CLVS1: variants seen among roughly 807,000 people sequenced by gnomAD.
CLVS1 encodes clavesin 1.
Under a neutral mutation model 33.1 loss-of-function variants are expected in CLVS1, and 10 were observed. The ratio of observed to expected loss-of-function variants is 0.30; its 90% CI spans 0.19 to 0.51. CLVS1 has a LOEUF of 0.51. Ranked by LOEUF, CLVS1 falls within the 20% of genes least tolerant of loss-of-function variation. The pLI is 0.97. For missense variants in CLVS1, 343 were observed against 433.4 expected, an observed-to-expected ratio of 0.79 and a Z score of 1.85; for synonymous variants, 163 against 166.1, an observed-to-expected ratio of 0.98 and a Z score of 0.14.
At chr8:61,064,909 G>A (rs1296975935) in intron 1 of CLVS1, among the ~76,000 whole-genome samples, 1 of 152,200 alleles carries the variant, frequency 6.6e-6, no homozygotes, top group Non-Finnish European at 1.5e-5. Context: ...CACCAAGTTG[G>A]CCAGGCTGGT....
At chr8:61,267,985 G>A (rs767723317) in intron 2 of CLVS1, among the ~76,000 whole-genome samples, 2 of 152,012 alleles carry the variant, frequency 1.3e-5, no homozygotes, top group Non-Finnish European at 2.9e-5. Context: ...CATGGGCCCT[G>A]CTGGATACTC....
intron 5 of CLVS1, among the ~76,000 whole-genome samples, chr8:61,496,531 G>A (rs1804274080): frequency 6.6e-6 from 1 of 152,160 alleles, no homozygotes; most frequent in African/African-American, 2.4e-5. Flanking sequence ...AATGTGTTAG[G>A]GGGCTGGGGC....
intron 2 of CLVS1, among the ~76,000 whole-genome samples, chr8:61,157,732 C>T (rs890911359): frequency 1.3e-5 from 2 of 151,556 alleles, no homozygotes; most frequent in Admixed American, 6.6e-5. Context: ...AAAAAATGGG[C>T]AATGGACCTA....
the CLVS1 span, among the ~76,000 whole-genome samples, chr8:60,969,434 A>G: frequency 1.3e-5 from 2 of 152,184 alleles, no homozygotes; most frequent in Non-Finnish European, 2.9e-5. Flanking sequence ...CCAATTCGGT[A>G]TCTTACTGCC....
intron 2 of CLVS1, among the ~76,000 whole-genome samples, chr8:61,155,540 G>A (rs1269400835): frequency 7.0e-6 from 1 of 143,612 alleles, no homozygotes; most frequent in Non-Finnish European, 1.6e-5. Flanking sequence ...CTTATTTCAT[G>A]CCAGTAGGAA....
intron 5 of CLVS1, among the ~76,000 whole-genome samples, chr8:61,484,771 G>A (rs1338948337): frequency 6.6e-6 from 1 of 152,162 alleles, no homozygotes; most frequent in Non-Finnish European, 1.5e-5. Context: ...ACAGAACAGA[G>A]CCCTTGGAAA....
At chr8:60,998,812 A>G in the CLVS1 span, among the ~76,000 whole-genome samples, 1 of 152,182 alleles carries the variant, frequency 6.6e-6, no homozygotes, top group Admixed American at 6.5e-5. Context: ...CATCTCACCC[A>G]GTGTCAGCTG....
intron 2 of CLVS1, among the ~76,000 whole-genome samples, chr8:61,212,116 C>A (rs1807982852): frequency 6.6e-6 from 1 of 152,178 alleles, no homozygotes; most frequent in Non-Finnish European, 1.5e-5. Context: ...ACTGAGCTTG[C>A]AGTTTGTCGC....
chr8:61,422,152 G>A (rs1815703202), intron 3 of CLVS1, among the ~76,000 whole-genome samples: 2 of 151,524 alleles, frequency 1.3e-5, no homozygotes, highest in Admixed American at 6.6e-5. Flanking sequence ...CAAAAGTAGA[G>A]TGGATTACAT....
At chr8:61,071,626 G>A (rs974653386) in intron 1 of CLVS1, among the ~76,000 whole-genome samples, 2 of 152,206 alleles carry the variant, frequency 1.3e-5, no homozygotes, top group Admixed American at 6.5e-5. Context: ...CTGCAGATGA[G>A]CATATGGATA....
intron 2 of CLVS1, among the ~76,000 whole-genome samples, chr8:61,168,930 G>A (rs986007311): frequency 3.9e-5 from 6 of 152,138 alleles, no homozygotes; most frequent in Non-Finnish European, 7.3e-5. Context: ...TGCTCCAGAC[G>A]TCAACTTTTA....
At chr8:61,038,433 G>A in the CLVS1 span, among the ~76,000 whole-genome samples, 18 of 119,440 alleles carry the variant, frequency 1.5e-4, no homozygotes, top group East Asian at 2.8e-3. Context: ...TCCTCCTGTC[G>A]TTTGTATATA....
At chr8:61,430,970 C>A (rs1816090649) in intron 3 of CLVS1, among the ~76,000 whole-genome samples, 1 of 152,132 alleles carries the variant, frequency 6.6e-6, no homozygotes, top group African/African-American at 2.4e-5. Context: ...GACTAAAATG[C>A]AGTTCTAATT....
chr8:61,422,517 C>A (rs1226363047), intron 3 of CLVS1, among the ~76,000 whole-genome samples: 2 of 152,204 alleles, frequency 1.3e-5, no homozygotes, highest in East Asian at 1.9e-4. Context: ...CTTAATTAAG[C>A]TTTCCTCCTA....
At chr8:61,042,143 G>A in the CLVS1 span, among the ~76,000 whole-genome samples, 1 of 152,076 alleles carries the variant, frequency 6.6e-6, no homozygotes, top group Non-Finnish European at 1.5e-5. Flanking sequence ...TTCAAACTTT[G>A]GCCACTTCTC....
chr8:61,144,111 T>C (rs950175264), intron 2 of CLVS1, among the ~76,000 whole-genome samples: 1 of 151,998 alleles, frequency 6.6e-6, no homozygotes, highest in Non-Finnish European at 1.5e-5. Context: ...GCAGGTTTGT[T>C]ACATAGGTAT....
rs533850843 is a variant in CLVS1, at chr8:61,479,006, C to G, written c.978-20449C>G. 2.3e-4 allele frequency among the ~76,000 whole-genome samples: 35 copies of G among 152,250 alleles called. No homozygotes were observed. In the East Asian group the frequency reaches 6.4e-3, roughly 28 times the overall value. On this transcript the variant is annotated intron_variant, in intron 5 of 5. Coordinates refer to ENST00000325897, the MANE Select transcript of CLVS1 (RefSeq NM_173519.3). Reference sequence around the variant, plus strand: ...TAACCCAACCTTTCTCTCTGGCTGCCCTTAACATTTTTTCCTTCATTTCAA... The same window carrying G: ...TAACCCAACCTTTCTCTCTGGCTGCGCTTAACATTTTTTCCTTCATTTCAA...
the CLVS1 span, among the ~76,000 whole-genome samples, chr8:61,042,685 GT>G: frequency 6.6e-6 from 1 of 151,668 alleles, no homozygotes; most frequent in Non-Finnish European, 1.5e-5. Context: ...GTCAGGGACT[GT>G]ATCTTTTTCA....
At chr8:61,496,385 G>T (rs780428385) in intron 5 of CLVS1, among the ~76,000 whole-genome samples, 5 of 152,246 alleles carry the variant, frequency 3.3e-5, no homozygotes, top group African/African-American at 7.2e-5. Context: ...GTGCTCTCTT[G>T]GTTGTCTTCA....
Sources: allele counts gnomAD v4.1 joint callset (sites outside exome capture counted in the v4.1 genomes callset), GRCh38; gene constraint gnomAD v4.1.1; transcripts MANE v1.5; gene names NCBI Gene and HGNC (gene_info 2026-07-23, HGNC 2026-07-21).